HSD17B4: variants seen among roughly 807,000 people sequenced by gnomAD.
HSD17B4 encodes the protein hydroxysteroid 17-beta dehydrogenase 4, also known as peroxisomal multifunctional enzyme type 2.
HSD17B4 carries 70 observed loss-of-function variants against 101.0 expected under a neutral mutation model. The ratio of observed to expected loss-of-function variants is 0.69; its 90% CI spans 0.57 to 0.85. The LOEUF (loss-of-function observed/expected upper bound fraction) is 0.85. Ranked by LOEUF, HSD17B4 falls within the 40% of genes least tolerant of loss-of-function variation. The pLI, the probability that HSD17B4 is intolerant of heterozygous loss-of-function variation, is 0.00. For missense variants in HSD17B4, 984 were observed against 892.4 expected (o/e 1.10, Z -1.31); for synonymous variants, 347 against 297.1 (o/e 1.17, Z -1.73).
At position 119,516,818 on chromosome 5, in the gene HSD17B4, C is replaced by T. The variant is rs141386293; in HGVS notation, c.1503+1772C>T. 3.8e-3 allele frequency among the ~76,000 whole-genome samples: 572 copies of T among 152,322 alleles called. 3 individuals carry two copies. Among genetic ancestry groups the T allele is most frequent in the African/African-American group, 0.013 (555 of 41,576 alleles). ...ATATAGATGTCTGAGATAACTAGGG[C>T]ACCTATTCCAAGCAATGAATGTTTA... On this transcript the variant is annotated intron_variant, in intron 17 of 23. Transcript: ENST00000510025.
At chr5:119,508,007 T>C (rs1447085144) in intron 15 of HSD17B4, among the ~76,000 whole-genome samples, 2 of 152,172 alleles carry the variant, frequency 1.3e-5, no homozygotes, top group Admixed American at 1.3e-4. Flanking sequence ...CTATATATGC[T>C]GTTTTGGAAC....
intron 21 of HSD17B4, among the ~76,000 whole-genome samples, chr5:119,530,845 C>CAAAAAAAAAAAAAAAAA (rs11423247): frequency 1.4e-4 from 8 of 56,298 alleles, no homozygotes; most frequent in Non-Finnish European, 1.6e-4. Context: ...AAGTCTGTCT[C>CAAAAAAAAAAAAAAAAA]AAAAAAAAAA....
intron 23 of HSD17B4, among the ~76,000 whole-genome samples, chr5:119,539,945 T>A (rs906014466): frequency 2.0e-5 from 2 of 100,032 alleles, no homozygotes; most frequent in African/African-American, 3.6e-5. Context: ...AAAAAAAAAT[T>A]AGCCTGGTGT....
rs758293820 is a variant in HSD17B4, at chr5:119,509,122, T to C, written c.1334-19T>C. ...TTTGGTGGTAACTTCTTTTATTTTT[T>C]CTTTTATTTACTTTTCAGTCTATTC... On this transcript the variant is annotated intron_variant, in intron 15 of 23. Coordinates refer to ENST00000510025, the MANE Select transcript of HSD17B4 (RefSeq NM_000414.4). 2.3e-6 allele frequency: 3 copies of C among 1,315,550 alleles called. No individual in the cohort carries two copies. In the African/African-American group the frequency reaches 4.4e-5, roughly 19 times the overall value. The allele number at this position is 1,315,550 out of a possible 1,614,324, so 81.5% of individuals were successfully genotyped here. A position where few individuals can be genotyped will look rare whatever the true frequency, so the allele number is the denominator to read the frequency against.
chr5:119,510,586 T>C (rs969725129), intron 16 of HSD17B4, among the ~76,000 whole-genome samples: 19 of 152,218 alleles, frequency 1.2e-4, no homozygotes, highest in Non-Finnish European at 8.8e-5. Flanking sequence ...GAAACAACCA[T>C]GACTTGTAAA....
intron 1 of HSD17B4, among the ~76,000 whole-genome samples, chr5:119,453,456 A>G (rs1754283763): frequency 2.0e-5 from 3 of 152,208 alleles, no homozygotes; most frequent in Non-Finnish European, 4.4e-5. Context: ...TCATACCAAC[A>G]TAGATGCTGT....
At chr5:119,477,550 G>A in intron 7 of HSD17B4, 49 bp downstream of exon 7, 1 of 1,180,076 alleles carries the variant, frequency 8.5e-7, no homozygotes, top group East Asian at 2.3e-5. Flanking sequence ...TTGTGTCTGG[G>A]GGTTCTTGTG....
At chr5:119,519,929 A>G (rs908909969) in intron 17 of HSD17B4, among the ~76,000 whole-genome samples, 4 of 152,192 alleles carry the variant, frequency 2.6e-5, no homozygotes, top group African/African-American at 9.7e-5. Context: ...ATAATCTGAG[A>G]TATTACTGAC....
At chr5:119,484,831 A>T (rs1173627365) in intron 8 of HSD17B4, among the ~76,000 whole-genome samples, 2 of 151,456 alleles carry the variant, frequency 1.3e-5, no homozygotes, top group Non-Finnish European at 2.9e-5. Context: ...CTGAGATCTA[A>T]TTTTTTCCCC....
chr5:119,485,269 GATT>G (rs898668348), intron 8 of HSD17B4, among the ~76,000 whole-genome samples: 1 of 152,036 alleles, frequency 6.6e-6, no homozygotes, highest in African/African-American at 2.4e-5. Context: ...TAAAACTTCA[GATT>G]TTAAATTTGT....
chr5:119,479,255 A>G (rs1247281023), intron 8 of HSD17B4, among the ~76,000 whole-genome samples: 1 of 152,022 alleles, frequency 6.6e-6, no homozygotes, highest in African/African-American at 2.4e-5. Flanking sequence ...TTTTCTCTGC[A>G]TATTCATAAT....
Position 119,499,600 on chromosome 5 carries a change from T to C in HSD17B4, c.1209+47T>C, listed in dbSNP as rs775236259. Reference sequence around the variant, plus strand: ...TATTTTGCTTTTCTATTTCTGTAAATATTATTCATTAATGTCATATCTTAT... The same window carrying C: ...TATTTTGCTTTTCTATTTCTGTAAACATTATTCATTAATGTCATATCTTAT... On this transcript the variant is annotated intron_variant, in intron 13 of 23. Transcript: ENST00000510025. 5.8e-6 allele frequency: 6 copies of C among 1,026,216 alleles called. No homozygotes were observed. The South Asian group carries it at 7.6e-5, about 13-fold the overall frequency. The allele number at this position is 1,026,216 out of a possible 1,614,324, so 63.6% of individuals were successfully genotyped here.
chr5:119,519,339 A>T (rs1435912163), intron 17 of HSD17B4, among the ~76,000 whole-genome samples: 1 of 152,252 alleles, frequency 6.6e-6, no homozygotes, highest in Non-Finnish European at 1.5e-5. Context: ...TATACTATAC[A>T]TATCCTATTA....
At chr5:119,481,669 A>G (rs1375151746) in intron 8 of HSD17B4, among the ~76,000 whole-genome samples, 1 of 152,202 alleles carries the variant, frequency 6.6e-6, no homozygotes, top group Non-Finnish European at 1.5e-5. Flanking sequence ...TTGTTAAAAA[A>G]TGCCAGTATG....
Position 119,478,897 on chromosome 5 carries a change from T to C in HSD17B4, c.498T>C (p.Ala166=), listed in dbSNP as rs1748850526. Residue 166 remains alanine, a synonymous_variant, in exon 8 of 24, where the codon GCT becomes GCC. Coordinates refer to ENST00000510025, the MANE Select transcript of HSD17B4 (RefSeq NM_000414.4). ...ACTTTGGCCAGGCCAATTATAGTGC[T>C]GCAAAGTTGGGTCTTCTGGGCCTTG... is the stretch of plus-strand genomic sequence containing the variant. ...YGNFGQANYS[A]AKLGLLGLAN... The C allele has an allele frequency of 1.9e-6, 3 of 1,613,614 alleles. No homozygotes were observed. Among genetic ancestry groups the C allele is most frequent in the Non-Finnish European group, 2.5e-6 (3 of 1,179,712 alleles).
chr5:119,473,856 A>G (rs75984021), intron 2 of HSD17B4, 52 bp from the exon 3 acceptor site: 3 of 1,046,142 alleles, frequency 2.9e-6, no homozygotes, highest in African/African-American at 1.6e-5. Flanking sequence ...ACACACACAC[A>G]TTTTGAAAGT....
chr5:119,509,773 GCAGGACTCCTTCC>G (rs1490443923), intron 16 of HSD17B4, among the ~76,000 whole-genome samples: 1 of 152,216 alleles, frequency 6.6e-6, no homozygotes, highest in Non-Finnish European at 1.5e-5. Flanking sequence ...ATGCAGCAAA[GCAGGACTCCTTCC>G]TCCATGGAAT....
intron 1 of HSD17B4, 191 bp downstream of exon 1, chr5:119,452,824 A>G: frequency 6.5e-7 from 1 of 1,536,254 alleles, no homozygotes; most frequent in Non-Finnish European, 8.7e-7. Context: ...TCAAGCAGGT[A>G]CAGCCCGCTT....
chr5:119,467,586 T>C (rs1755936397), intron 2 of HSD17B4, among the ~76,000 whole-genome samples: 1 of 152,236 alleles, frequency 6.6e-6, no homozygotes, highest in African/African-American at 2.4e-5. Context: ...TAAAGTCTAT[T>C]ATATCTGATG....
Sources: gnomAD v4.1 joint callset for allele counts (sites outside exome capture counted in the v4.1 genomes callset) on GRCh38, gnomAD v4.1.1 for gene constraint, MANE v1.5 for transcripts, NCBI Gene and HGNC (gene_info 2026-07-23, HGNC 2026-07-21) for gene names.